The following PCDHGB3 variants were observed in gnomAD, a reference collection of about 807,000 sequenced individuals.
PCDHGB3 encodes the protein protocadherin gamma-B3.
PCDHGB3 carries 40 observed loss-of-function variants against 59.2 expected under a neutral mutation model. That is an observed-to-expected ratio of 0.68 (90% CI 0.52 to 0.88). The LOEUF (loss-of-function observed/expected upper bound fraction) is 0.88, where lower values mean the gene tolerates loss of function less well. PCDHGB3 is among the 40% of genes least tolerant of loss of function. The pLI is 0.00. For missense variants in PCDHGB3, 1,309 were observed against 1,187.9 expected (o/e 1.10, Z -1.50); for synonymous variants, 581 against 503.6 (o/e 1.15, Z -2.06).
chr5:141,482,917 C>CA (rs761402624), intron 1 of PCDHGB3, among the ~76,000 whole-genome samples: 5 of 152,042 alleles, frequency 3.3e-5, no homozygotes, highest in Non-Finnish European at 7.4e-5. Context: ...ATTAAAAATA[C>CA]AAAAAATTAG....
intron 1 of PCDHGB3, chr5:141,398,585 T>C (rs200356405): frequency 1.9e-6 from 3 of 1,614,080 alleles, no homozygotes; most frequent in Non-Finnish European, 2.5e-6. Flanking sequence ...ACAAGATTTA[T>C]ACTAGAAGTA....
At chr5:141,499,330 C>T (rs1040336371) in intron 2 of PCDHGB3, among the ~76,000 whole-genome samples, 1 of 152,170 alleles carries the variant, frequency 6.6e-6, no homozygotes, top group African/African-American at 2.4e-5. Flanking sequence ...CCTGCTCTCT[C>T]TCAGTTTGGG....
At position 141,408,935 on chromosome 5, in the gene PCDHGB3, G is replaced by A. The variant is rs773802276; in HGVS notation, c.2415+36126G>A. 6.8e-6 allele frequency: 11 copies of A among 1,613,590 alleles called. No homozygotes were observed. Among genetic ancestry groups the A allele is most frequent in the Non-Finnish European group, 9.3e-6 (11 of 1,179,752 alleles). ...TGATAACCCCCCGGTTTTCAGCAGAGACGAATATAGAATTAGTCTTAGTGA... is the reference window on the plus strand; with the variant it reads ...TGATAACCCCCCGGTTTTCAGCAGAAACGAATATAGAATTAGTCTTAGTGA... On this transcript the variant is annotated intron_variant, in intron 1 of 3. Coordinates refer to ENST00000576222, the MANE Select transcript of PCDHGB3 (RefSeq NM_018924.5).
At chr5:141,488,268 C>T (rs1371050827) in intron 1 of PCDHGB3, among the ~76,000 whole-genome samples, 1 of 152,170 alleles carries the variant, frequency 6.6e-6, no homozygotes, top group East Asian at 1.9e-4. Context: ...GCGGGTTGGT[C>T]ATCACCTTTG....
intron 1 of PCDHGB3, chr5:141,412,735 T>A (rs2095573578): frequency 6.5e-6 from 1 of 153,492 alleles, no homozygotes; most frequent in African/African-American, 2.4e-5. Context: ...GTGTTGCAAA[T>A]ATATATTTAA....
intron 1 of PCDHGB3, chr5:141,382,723 T>TA: frequency 1.9e-6 from 1 of 523,900 alleles, no homozygotes; most frequent in Non-Finnish European, 3.2e-6. Flanking sequence ...CACCGAGTTT[T>TA]ACAGCACAGA....
intron 1 of PCDHGB3, among the ~76,000 whole-genome samples, chr5:141,463,642 G>A (rs573143516): frequency 6.6e-6 from 1 of 151,750 alleles, no homozygotes; most frequent in South Asian, 2.1e-4. Context: ...TAGTAGAGAC[G>A]GGGTTTCACC....
At chr5:141,433,285 C>G in intron 1 of PCDHGB3, 1 of 1,169,826 alleles carries the variant, frequency 8.5e-7, no homozygotes, top group Non-Finnish European at 1.2e-6. Flanking sequence ...CCTCAAACTC[C>G]TAGGCTCAAG....
In PCDHGB3 at chr5:141,371,266, T is replaced by C; in HGVS notation, c.872T>C (p.Leu291Pro). ...AATATTGGCAAGGAAGTGAGACAACTGTTCAAGCTGGACAGTAAAACGGGG... is the reference window on the plus strand; with the variant it reads ...AATATTGGCAAGGAAGTGAGACAACCGTTCAAGCTGGACAGTAAAACGGGG... ...FINIGKEVRQ[L>P]FKLDSKTGEL... The change falls in exon 1 of 4, where the codon CTG (leucine) becomes CCG (proline). Residue 291 changes from leucine to proline, a missense_variant. Transcript: ENST00000576222. 6.2e-7 allele frequency: 1 copy of C among 1,614,030 alleles called. No individual in the cohort carries two copies. Among genetic ancestry groups the C allele is most frequent in the East Asian group, 2.2e-5 (1 of 44,884 alleles).
In PCDHGB3 at chr5:141,428,860, CTT is replaced by C. The variant is rs34152666; in HGVS notation, c.2415+56063_2415+56064del. On this transcript the variant is annotated intron_variant, in intron 1 of 3. Transcript: ENST00000576222. The stretch of plus-strand genomic sequence containing the variant: ...ACATTTTCACCATTTTTACGGGAGA[CTT>C]TTTTTTTTTTTGGACGGAGTCTCGC... The C allele has an allele frequency of 7.4e-3, 1,070 of 145,506 alleles. 4 individuals carry two copies. Among genetic ancestry groups the C allele is most frequent in the South Asian group, 0.018 (82 of 4,566 alleles). 9.0% of individuals were successfully genotyped at this position (145,506 alleles called of 1,614,324 possible).
chr5:141,461,595 A>C (rs2099018386), intron 1 of PCDHGB3, among the ~76,000 whole-genome samples: 1 of 152,144 alleles, frequency 6.6e-6, no homozygotes, highest in East Asian at 1.9e-4. Flanking sequence ...TATTTCCATT[A>C]TAATTTAGTT....
intron 1 of PCDHGB3, among the ~76,000 whole-genome samples, chr5:141,461,616 T>A (rs1399885412): frequency 6.6e-6 from 1 of 152,236 alleles, no homozygotes; most frequent in African/African-American, 2.4e-5. Context: ...CAAAGTATTT[T>A]CTAATACACC....
In PCDHGB3 at chr5:141,510,980, G is replaced by A; in HGVS notation, c.2597G>A (p.Gly866Asp). The change falls in exon 4 of 4, where the codon GGT becomes GAT. Residue 866 changes from glycine (G) to aspartate (D), a missense_variant. Transcript: ENST00000576222. ...AADGSSTLGGGAGTMGLSARY... is the reference protein window; with the variant it reads ...AADGSSTLGGDAGTMGLSARY... ...GATGGGAGCTCCACCCTGGGAGGGG[G>A]TGCCGGCACCATGGGATTGAGCGCC... 1 of 1,614,170 alleles carries A rather than the reference G, an allele frequency of 6.2e-7. No homozygotes were observed.
chr5:141,434,209 A>G (rs946478332), intron 1 of PCDHGB3, among the ~76,000 whole-genome samples: 17 of 152,216 alleles, frequency 1.1e-4, no homozygotes, highest in African/African-American at 4.1e-4. Flanking sequence ...TACTTCTGTC[A>G]GTGTAAACAA....
intron 1 of PCDHGB3, chr5:141,404,766 C>T (rs1489047184): frequency 6.2e-7 from 1 of 1,613,940 alleles, no homozygotes; most frequent in East Asian, 2.2e-5. Flanking sequence ...GCTTGGCTCT[C>T]CTACCGCCTA....
chr5:141,394,022 A>G (rs1210359800), intron 1 of PCDHGB3: 1 of 1,613,552 alleles, frequency 6.2e-7, no homozygotes, highest in South Asian at 1.1e-5. Flanking sequence ...ATTATTATAG[A>G]TTAGTGACAA....
In PCDHGB3 at chr5:141,432,011, TACA is replaced by T. The variant is rs1296391274; in HGVS notation, c.2415+59206_2415+59208del. 2 of 1,614,202 alleles carry T rather than the reference TACA, an allele frequency of 1.2e-6. No homozygotes were observed. Among genetic ancestry groups the T allele is most frequent in the South Asian group, 2.2e-5 (2 of 91,084 alleles). On this transcript the variant is annotated intron_variant, in intron 1 of 3. Transcript: ENST00000576222. This position sits in a 1 kb window ranked among gnomAD's most constrained non-coding sequence, Gnocchi z 6.0. The stretch of plus-strand genomic sequence containing the variant: ...CTTGGATAGGGAACAGGTTCCTAGC[TACA>T]ACATCACAGTGACCGCCACTGACCG...
Position 141,431,645 on chromosome 5 carries a change from T to C in PCDHGB3, c.2415+58836T>C. ...GGCGGCCCAAGTTTTCAAACTAGAT[T>C]GTAATTCAGGGACAATATCAACAAT... is the stretch of plus-strand genomic sequence containing the variant. On this transcript the variant is annotated intron_variant, in intron 1 of 3. Coordinates refer to ENST00000576222, the MANE Select transcript of PCDHGB3 (RefSeq NM_018924.5). This position sits in a 1 kb window ranked among gnomAD's most constrained non-coding sequence, Gnocchi z 4.8. 6.2e-7 allele frequency: 1 copy of C among 1,614,236 alleles called. No individual in the cohort carries two copies.
intron 1 of PCDHGB3, chr5:141,384,805 G>T (rs1314252403): frequency 6.2e-7 from 1 of 1,613,506 alleles, no homozygotes; most frequent in Admixed American, 1.7e-5. Context: ...GCTGGACAGA[G>T]ATGCCCTCAA....
Sources: allele counts gnomAD v4.1 joint callset (sites outside exome capture counted in the v4.1 genomes callset), GRCh38; gene constraint gnomAD v4.1.1; non-coding constraint Gnocchi (gnomAD v3.1); transcripts MANE v1.5; gene names NCBI Gene and HGNC (gene_info 2026-07-23, HGNC 2026-07-21).